ARL15: variants seen among roughly 807,000 people sequenced by gnomAD.
The protein encoded by ARL15 is ARF like GTPase 15.
A neutral mutation model predicts 25.2 loss-of-function variants in ARL15; 19 were observed. The observed-to-expected ratio is 0.75, with a 90% CI of 0.53 to 1.10. The LOEUF is 1.10. Among genes scored for constraint, ARL15 ranks in the 50% least tolerant of loss-of-function variants. The pLI is 0.00. For missense variants in ARL15, 220 were observed against 246.0 expected, an observed-to-expected ratio of 0.89 and a Z score of 0.71; for synonymous variants, 94 against 86.8, an observed-to-expected ratio of 1.08 and a Z score of -0.46.
chr5:54,003,546 A>T (rs1445887), intron 4 of ARL15, among the ~76,000 whole-genome samples: 41,968 of 152,094 alleles, frequency 0.28, 6,028 homozygotes, highest in East Asian at 0.46. Flanking sequence ...CCTCAAACAA[A>T]GCCTGAGCTA....
chr5:54,281,136 C>T (rs1425827725), intron 1 of ARL15, among the ~76,000 whole-genome samples: 3 of 152,190 alleles, frequency 2.0e-5, no homozygotes, highest in Non-Finnish European at 2.9e-5. Flanking sequence ...CAGAATATTA[C>T]TATAACTTTT....
At chr5:54,071,762 G>C (rs1751429781) in intron 4 of ARL15, among the ~76,000 whole-genome samples, 1 of 151,962 alleles carries the variant, frequency 6.6e-6, no homozygotes, top group Non-Finnish European at 1.5e-5. Flanking sequence ...ACGAGGTCAG[G>C]AGATCGAGAC....
chr5:53,981,482 T>G (rs1251602954), intron 4 of ARL15, among the ~76,000 whole-genome samples: 2 of 152,208 alleles, frequency 1.3e-5, no homozygotes, highest in Admixed American at 6.5e-5. Context: ...TGCAAGCAAC[T>G]GATACTCTGT....
chr5:54,066,315 A>G (rs1751229777), intron 4 of ARL15, among the ~76,000 whole-genome samples: 1 of 152,220 alleles, frequency 6.6e-6, no homozygotes, highest in Non-Finnish European at 1.5e-5. Context: ...TGTAAACTAG[A>G]AAAAGTATAC....
intron 3 of ARL15, among the ~76,000 whole-genome samples, chr5:54,141,401 A>G (rs767365040): frequency 4.6e-5 from 7 of 152,110 alleles, no homozygotes; most frequent in African/African-American, 7.2e-5. Flanking sequence ...TAATCTGTCT[A>G]GAATAAATTT....
chr5:54,231,574 T>G (rs1326237587), intron 1 of ARL15, among the ~76,000 whole-genome samples: 2 of 152,200 alleles, frequency 1.3e-5, no homozygotes, highest in Non-Finnish European at 2.9e-5. Context: ...TAACTCCTTA[T>G]CTTAGCTTAG....
intron 4 of ARL15, among the ~76,000 whole-genome samples, chr5:53,967,324 C>T (rs1165080219): frequency 6.6e-6 from 1 of 152,100 alleles, no homozygotes; most frequent in African/African-American, 2.4e-5. Flanking sequence ...TTCAAAATTT[C>T]ACTAGAATGA....
intron 1 of ARL15, among the ~76,000 whole-genome samples, chr5:54,209,401 T>C (rs1755970738): frequency 1.3e-5 from 2 of 151,634 alleles, no homozygotes; most frequent in African/African-American, 4.8e-5. Context: ...AAAGAGAAGT[T>C]AGAGAGGGCA....
intron 1 of ARL15, among the ~76,000 whole-genome samples, chr5:54,264,359 T>C (rs533800316): frequency 1.5e-4 from 23 of 152,208 alleles, no homozygotes; most frequent in Non-Finnish European, 3.1e-4. Context: ...AATTCATCTC[T>C]ACAATGACTA....
At chr5:54,077,288 A>C (rs1166787063) in intron 4 of ARL15, among the ~76,000 whole-genome samples, 3 of 152,192 alleles carry the variant, frequency 2.0e-5, no homozygotes, top group Non-Finnish European at 4.4e-5. Context: ...ATAACACGGA[A>C]AACATGGCTC....
At chr5:53,915,304 C>T (rs2111993856) in intron 4 of ARL15, among the ~76,000 whole-genome samples, 1 of 152,282 alleles carries the variant, frequency 6.6e-6, no homozygotes. Context: ...ACACACAAGG[C>T]ACTGTGCTGT....
At chr5:54,034,328 A>G (rs1579722544) in intron 4 of ARL15, among the ~76,000 whole-genome samples, 1 of 152,204 alleles carries the variant, frequency 6.6e-6, no homozygotes, top group African/African-American at 2.4e-5. Flanking sequence ...GCTGAAATAA[A>G]TAAATGACTT....
chr5:54,301,697 A>G (rs11739911), intron 1 of ARL15, among the ~76,000 whole-genome samples: 48,855 of 152,146 alleles, frequency 0.32, 10,303 homozygotes, highest in Non-Finnish European at 0.46. Context: ...CAATGCCTCA[A>G]TCAGTGGTCC....
At chr5:54,007,906 G>A (rs1315822199) in intron 4 of ARL15, among the ~76,000 whole-genome samples, 1 of 151,984 alleles carries the variant, frequency 6.6e-6, no homozygotes, top group East Asian at 1.9e-4. Context: ...TAGATTATAT[G>A]AAAACATCAT....
At chr5:53,888,798 T>G (rs552649141) in intron 4 of ARL15, among the ~76,000 whole-genome samples, 1 of 152,144 alleles carries the variant, frequency 6.6e-6, no homozygotes, top group Non-Finnish European at 1.5e-5. Flanking sequence ...GAGGAGGGAC[T>G]GGTAGGGAAT....
At chr5:54,132,791 A>G (rs1362926603) in intron 3 of ARL15, among the ~76,000 whole-genome samples, 1 of 152,138 alleles carries the variant, frequency 6.6e-6, no homozygotes, top group African/African-American at 2.4e-5. Context: ...GTGGGAGTGT[A>G]GCAGTGAGAA....
rs146943214 is a variant in ARL15 at position 54,278,768 on chromosome 5, T to C, written c.48+31664A>G. 2.3e-3 allele frequency among the ~76,000 whole-genome samples: 356 copies of C among 152,308 alleles called. 3 individuals are homozygous for C. Among genetic ancestry groups the C allele is most frequent in the African/African-American group, 8.3e-3 (347 of 41,568 alleles). ...TTAAGGCCCTTTAAATAAGCATCACTGCTTTTCAGGGTCTGGAGAAAGGTC... is the reference window on the plus strand; with the variant it reads ...TTAAGGCCCTTTAAATAAGCATCACCGCTTTTCAGGGTCTGGAGAAAGGTC... On this transcript the variant is annotated intron_variant, in intron 1 of 4. Transcript: ENST00000504924.
chr5:53,894,070 AATG>A (rs1744798846), intron 4 of ARL15, among the ~76,000 whole-genome samples: 1 of 152,218 alleles, frequency 6.6e-6, no homozygotes, highest in African/African-American at 2.4e-5. Context: ...AGGACCTGAA[AATG>A]ATGACTTGAT....
At chr5:53,923,955 T>C (rs2112026712) in intron 4 of ARL15, among the ~76,000 whole-genome samples, 1 of 152,336 alleles carries the variant, frequency 6.6e-6, no homozygotes, top group Non-Finnish European at 1.5e-5. Context: ...CGACTTGTAA[T>C]TCAAGCTTAA....
Sources: allele counts gnomAD v4.1 joint callset (sites outside exome capture counted in the v4.1 genomes callset), GRCh38; gene constraint gnomAD v4.1.1; transcripts MANE v1.5; gene names NCBI Gene and HGNC (gene_info 2026-07-23, HGNC 2026-07-21).